HK1: variants seen among roughly 807,000 people sequenced by gnomAD.
HK1 encodes the protein hexokinase 1.
In HK1, 28 loss-of-function variants were observed where a neutral mutation model predicts 91.6. The observed-to-expected ratio is 0.31, with a 90% CI of 0.23 to 0.42. The LOEUF is 0.42. HK1 is among the 10% of genes least tolerant of loss of function. The pLI is 1.00. For synonymous variants in HK1, 430 were observed against 468.1 expected, an observed-to-expected ratio of 0.92 and a Z score of 1.05; for missense variants, 770 against 1,219.8, an observed-to-expected ratio of 0.63 and a Z score of 5.49.
chr10:69,401,689 T>C lies in HK1; in HGVS notation c.*554T>C. On this transcript the variant is annotated 3_prime_UTR_variant, in exon 18 of 18. Coordinates refer to ENST00000359426, the MANE Select transcript of HK1 (RefSeq NM_000188.3). ...TCAATGCCACAAAATCGTGTGTCCG[T>C]GGAACCAGTCCTAGCCGCGTGTGAC... 3.3e-6 allele frequency: 1 copy of C among 298,890 alleles called. No individual in the cohort carries two copies. Among genetic ancestry groups the C allele is most frequent in the South Asian group, 2.7e-5 (1 of 36,698 alleles). 18.5% of individuals were successfully genotyped at this position (298,890 alleles called of 1,614,324 possible). A position where few individuals can be genotyped will look rare whatever the true frequency, so the allele number is the denominator to read the frequency against.
chr10:69,351,445 G>C (rs1848869336), intron 2 of HK1, among the ~76,000 whole-genome samples: 1 of 152,000 alleles, frequency 6.6e-6, no homozygotes, highest in Admixed American at 6.5e-5. Flanking sequence ...GGAGGCGGAG[G>C]TTGCAGTGAG....
chr10:69,319,041 T>G (rs1363124285), intron 1 of HK1, 31 bp downstream of exon 1: 1 of 1,581,978 alleles, frequency 6.3e-7, no homozygotes. Flanking sequence ...CCGCTGGTCC[T>G]GGCCGCAGCC....
intron 1 of HK1, among the ~76,000 whole-genome samples, chr10:69,278,199 T>C (rs1844561319): frequency 6.6e-6 from 1 of 152,244 alleles, no homozygotes; most frequent in African/African-American, 2.4e-5. Context: ...TTCCAATCCA[T>C]CTTCTTGGAA....
At chr10:69,326,197 T>C (rs1289784796) in intron 1 of HK1, among the ~76,000 whole-genome samples, 1 of 151,692 alleles carries the variant, frequency 6.6e-6, no homozygotes, top group Non-Finnish European at 1.5e-5. Flanking sequence ...GAGTGTCATG[T>C]CGGGTATGAA....
intron 5 of HK1, among the ~76,000 whole-genome samples, chr10:69,308,426 T>C (rs1164439720): frequency 6.6e-6 from 1 of 152,088 alleles, no homozygotes; most frequent in Non-Finnish European, 1.5e-5. Context: ...GGCTCACAAC[T>C]CTAAGAGGGT....
chr10:69,398,561 C>T (rs370473353), intron 16 of HK1, 34 bp from the exon 17 acceptor site: 68 of 1,571,376 alleles, frequency 4.3e-5, no homozygotes, highest in Non-Finnish European at 5.7e-5. Flanking sequence ...GTGGGTCCTG[C>T]TTCATCCAGC....
chr10:69,286,216 A>G (rs1845025632), intron 2 of HK1, among the ~76,000 whole-genome samples: 1 of 152,218 alleles, frequency 6.6e-6, no homozygotes, highest in Admixed American at 6.5e-5. Flanking sequence ...CATAAATTAT[A>G]GCTGAGTACA....
At chr10:69,288,850 G>C (rs1053349089) in intron 3 of HK1, 22 of 1,202,378 alleles carry the variant, frequency 1.8e-5, no homozygotes, top group Admixed American at 7.4e-5. Flanking sequence ...GTAGTGGCGC[G>C]ATCTCGGCTC....
chr10:69,297,445 A>G (rs1402767156), intron 4 of HK1, among the ~76,000 whole-genome samples: 6 of 152,170 alleles, frequency 3.9e-5, no homozygotes, highest in Admixed American at 1.3e-4. Context: ...GGTCAACTGT[A>G]TTACAATTCC....
chr10:69,359,878 C>T lies in HK1; in HGVS notation c.227-19C>T, dbSNP rs906735483. The T allele has an allele frequency of 1.9e-6, 3 of 1,612,996 alleles. No homozygotes were observed. Among genetic ancestry groups the T allele is most frequent in the East Asian group, 2.2e-5 (1 of 44,884 alleles). Reference sequence around the variant, plus strand: ...TTAACATTTGAATCTCATGTGATACCTGTTGTCTCCCTAAACAGAAAAGGG... The same window carrying T: ...TTAACATTTGAATCTCATGTGATACTTGTTGTCTCCCTAAACAGAAAAGGG... On this transcript the variant is annotated intron_variant, in intron 2 of 17. Coordinates refer to ENST00000359426, the MANE Select transcript of HK1 (RefSeq NM_000188.3).
chr10:69,308,686 C>T (rs1216394751), intron 5 of HK1, among the ~76,000 whole-genome samples: 4 of 152,126 alleles, frequency 2.6e-5, no homozygotes, highest in African/African-American at 9.7e-5. Flanking sequence ...TCCTGGGCGC[C>T]AGGCTACCTG....
At chr10:69,359,806 C>A in intron 2 of HK1, 91 bp from the exon 3 acceptor site, 1 of 1,261,502 alleles carries the variant, frequency 7.9e-7, no homozygotes, top group Non-Finnish European at 1.2e-6. Flanking sequence ...GGGAGGCAGA[C>A]AGGGCCTACG....
At chr10:69,390,590 C>T (rs2077666982) in intron 14 of HK1, among the ~76,000 whole-genome samples, 1 of 152,244 alleles carries the variant, frequency 6.6e-6, no homozygotes, top group Admixed American at 6.5e-5. Flanking sequence ...TCCAACTGTA[C>T]AGTCTTTGAA....
At chr10:69,287,662 AT>A (rs935109481) in intron 2 of HK1, among the ~76,000 whole-genome samples, 4 of 152,092 alleles carry the variant, frequency 2.6e-5, no homozygotes, top group Non-Finnish European at 5.9e-5. Flanking sequence ...AGTGATGAAA[AT>A]TTTCTGGAAT....
At chr10:69,366,589 A>G (rs1308244609) in intron 4 of HK1, among the ~76,000 whole-genome samples, 1 of 151,980 alleles carries the variant, frequency 6.6e-6, no homozygotes, top group Non-Finnish European at 1.5e-5. Flanking sequence ...CCCACCTCCA[A>G]CATGTCTAAA....
chr10:69,401,122 A>G lies in HK1; in HGVS notation c.2741A>G (p.Glu914Gly), dbSNP rs953703416. 2.5e-6 allele frequency: 4 copies of G among 1,613,896 alleles called. No homozygotes were observed. In the Admixed American group the frequency reaches 5.0e-5, roughly 20 times the overall value. ...GCCGTGGGCGTGCGGTTACGCACAG[A>G]GGCAAGCAGCTAAGAGTCCGGGATC... ...ITAVGVRLRT[E>G]ASS Residue 914 changes from glutamate (E) to glycine (G), a missense_variant, in exon 18 of 18, where the codon GAG (glutamate) becomes GGG (glycine). Physicochemically the swap from Glu to Gly is moderately conservative, Grantham distance 98. Coordinates refer to ENST00000359426, the MANE Select transcript of HK1 (RefSeq NM_000188.3).
At chr10:69,352,869 G>A (rs1848947307) in intron 2 of HK1, among the ~76,000 whole-genome samples, 1 of 151,902 alleles carries the variant, frequency 6.6e-6, no homozygotes, top group South Asian at 2.1e-4. Flanking sequence ...GGTAAAAATT[G>A]TATGCTATAT....
At chr10:69,304,133 GC>G in intron 5 of HK1, among the ~76,000 whole-genome samples, 1 of 152,218 alleles carries the variant, frequency 6.6e-6, no homozygotes, top group South Asian at 2.1e-4. Context: ...GAATCTTGTA[GC>G]CTCCAGCTGC....
upstream of HK1, among the ~76,000 whole-genome samples, chr10:69,317,870 ATAAT>A (rs1271101856): frequency 2.6e-5 from 4 of 152,220 alleles, no homozygotes; most frequent in East Asian, 7.7e-4. Context: ...GAACACAGAA[ATAAT>A]TAATCTAAGA....
Sources: allele counts gnomAD v4.1 joint callset (sites outside exome capture counted in the v4.1 genomes callset), GRCh38; gene constraint gnomAD v4.1.1; transcripts MANE v1.5; gene names NCBI Gene and HGNC (gene_info 2026-07-23, HGNC 2026-07-21).